Variants in CYP4A22 observed in about 807,000 individuals in gnomAD.
CYP4A22 encodes cytochrome P450 4A22.
A neutral mutation model predicts 56.2 loss-of-function variants in CYP4A22; 46 were observed. The observed-to-expected ratio is 0.82, with a 90% CI of 0.65 to 1.05. CYP4A22 has a LOEUF of 1.05. Ranked by LOEUF, CYP4A22 falls within the 50% of genes least tolerant of loss-of-function variation. CYP4A22 has a pLI of 0.00. For synonymous variants in CYP4A22, 193 were observed against 251.1 expected (o/e 0.77, Z 2.19); for missense variants, 541 against 645.9 (o/e 0.84, Z 1.76).
chr1:47,142,007 C>T, intron 3 of CYP4A22, 101 bp from the exon 4 acceptor site: 2 of 1,503,722 alleles, frequency 1.3e-6, no homozygotes. Context: ...ATAGTTCTTC[C>T]CCCAGGAAGC....
chr1:47,145,012 G>A (rs752641459), intron 9 of CYP4A22, 42 bp downstream of exon 9: 2 of 1,608,888 alleles, frequency 1.2e-6, no homozygotes, highest in Non-Finnish European at 8.5e-7. Context: ...TCTCCACGGG[G>A]ACGTGTGGAG....
chr1:47,143,126 G>A, intron 4 of CYP4A22, 143 bp from the exon 5 acceptor site: 1 of 1,480,566 alleles, frequency 6.8e-7, no homozygotes, highest in Non-Finnish European at 9.0e-7. Flanking sequence ...CAATGCATCT[G>A]CTCTGTAAAG....
chr1:47,141,646 T>C lies in CYP4A22; in HGVS notation c.382+31T>C, dbSNP rs200375533. The C allele has an allele frequency of 1.9e-3, 3,009 of 1,607,824 alleles. 1 individual carries two copies. The highest frequency in any genetic ancestry group is 2.1e-3 in the Non-Finnish European group (2,517 of 1,175,884). On this transcript the variant is annotated intron_variant, in intron 3 of 11. Transcript: ENST00000371891. Reference sequence around the variant, plus strand: ...TGTGCAAACTAGGACTGCAGCCCACTCCCTAGTTAGGTTTGAGTTATTTAT... The same window carrying C: ...TGTGCAAACTAGGACTGCAGCCCACCCCCTAGTTAGGTTTGAGTTATTTAT...
Position 47,148,480 on chromosome 1 carries a change from G to A in CYP4A22, c.1365-122G>A, listed in dbSNP as rs1373089623. ...GTCCGTGGGCTGTAAGTGTGCAGGG[G>A]CTGGACACATGAGGTTGGGCACTGA... On this transcript the variant is annotated intron_variant, in intron 11 of 11. Coordinates refer to ENST00000371891, the MANE Select transcript of CYP4A22 (RefSeq NM_001010969.4). 6 of 1,350,142 alleles carry A rather than the reference G, an allele frequency of 4.4e-6. 1 individual carries two copies. The African/African-American group carries it at 7.3e-5, about 16-fold the overall frequency. 83.6% of individuals were successfully genotyped at this position (1,350,142 alleles called of 1,614,324 possible).
chr1:47,137,885 C>G (rs929977325), intron 1 of CYP4A22, among the ~76,000 whole-genome samples: 2 of 152,216 alleles, frequency 1.3e-5, no homozygotes, highest in Admixed American at 1.3e-4. Flanking sequence ...GTCCTCAGCT[C>G]TATCACACAT....
chr1:47,140,720 A>C, intron 1 of CYP4A22, 60 bp from the exon 2 acceptor site: 1 of 1,597,960 alleles, frequency 6.3e-7, no homozygotes, highest in Non-Finnish European at 8.5e-7. Context: ...CCTGCCCTTC[A>C]CTCCTGCTGC....
intron 6 of CYP4A22, among the ~76,000 whole-genome samples, 158 bp from the exon 7 acceptor site, chr1:47,144,199 C>T (rs565013897): frequency 6.6e-6 from 1 of 152,300 alleles, no homozygotes; most frequent in African/African-American, 2.4e-5. Context: ...GGGTGCCCTG[C>T]CTCACACAGT....
At chr1:47,141,755 A>AT in intron 3 of CYP4A22, 140 bp downstream of exon 3, 5 of 1,179,992 alleles carry the variant, frequency 4.2e-6, no homozygotes, top group Non-Finnish European at 5.9e-6. Context: ...TCTTCTAACA[A>AT]GACCCTCACC....
chr1:47,148,393 A>G, intron 11 of CYP4A22, among the ~76,000 whole-genome samples: 1 of 152,202 alleles, frequency 6.6e-6, no homozygotes, highest in East Asian at 1.9e-4. Context: ...GTTAGGAGTT[A>G]GCCCAGGAAG....
rs767845138 is a variant in CYP4A22, at chr1:47,137,589, C to T, written c.104C>T (p.Ala35Val). ...LILLLLLIKA[A>V]QLYLHRQWLL... ...CTGCTTCTGCTGCTGATCAAGGCAG[C>T]TCAGCTCTACCTGCATAGGCAGTGG... The change falls in exon 1 of 12, where the codon GCT becomes GTT. Residue 35 changes from alanine to valine, a missense_variant. Ala to Val is a moderately conservative substitution (Grantham distance 64). Transcript: ENST00000371891. 1.6e-5 allele frequency: 26 copies of T among 1,614,098 alleles called. No individual in the cohort carries two copies. In the East Asian group the frequency reaches 3.8e-4, roughly 24 times the overall value.
At position 47,144,442 on chromosome 1, in the gene CYP4A22, G is replaced by A; in HGVS notation, c.876G>A (p.Leu292=). 1 of 1,613,974 alleles carries A rather than the reference G, an allele frequency of 6.2e-7. No individual in the cohort carries two copies. Among genetic ancestry groups the A allele is most frequent in the South Asian group, 1.1e-5 (1 of 91,060 alleles). ...AGAGGAAGAGGCACTTGGATTTTCTGGACATCCTCCTCTTGGCCAAAGTGA... is the reference window on the plus strand; with the variant it reads ...AGAGGAAGAGGCACTTGGATTTTCTAGACATCCTCCTCTTGGCCAAAGTGA... ...KIKRKRHLDF[L]DILLLAKMEN... is the part of the protein sequence containing the mutation. Residue 292 remains leucine, a synonymous_variant, in exon 7 of 12, where the codon CTG becomes CTA. Transcript: ENST00000371891.
chr1:47,137,707 G>C (rs772163810), intron 1 of CYP4A22, 27 bp downstream of exon 1: 1 of 1,580,684 alleles, frequency 6.3e-7, no homozygotes, highest in African/African-American at 1.3e-5. Flanking sequence ...TGGGGGAGTG[G>C]GAGGGCAAGG....
chr1:47,148,220 T>C (rs1557650893), intron 11 of CYP4A22, among the ~76,000 whole-genome samples: 2 of 152,222 alleles, frequency 1.3e-5, no homozygotes, highest in Admixed American at 6.5e-5. Context: ...CTACAGGACC[T>C]GAACTGACCT....
At chr1:47,137,963 T>C (rs999114123) in intron 1 of CYP4A22, among the ~76,000 whole-genome samples, 2 of 152,176 alleles carry the variant, frequency 1.3e-5, no homozygotes, top group Non-Finnish European at 2.9e-5. Context: ...CCTGATTGTC[T>C]CCAGACTGAT....
intron 11 of CYP4A22, chr1:47,147,173 C>T (rs1000056342): frequency 8.1e-6 from 8 of 985,316 alleles, no homozygotes; most frequent in African/African-American, 1.7e-5. Flanking sequence ...TTACATGGAA[C>T]AGGAAAGCTT....
At chr1:47,138,737 C>T (rs1242613181) in intron 1 of CYP4A22, among the ~76,000 whole-genome samples, 2 of 152,226 alleles carry the variant, frequency 1.3e-5, no homozygotes, top group Non-Finnish European at 2.9e-5. Context: ...AGATTGGACA[C>T]ACCAGGTGTA....
In CYP4A22 at chr1:47,142,153, G is replaced by A. The variant is rs138940178; in HGVS notation, c.428G>A (p.Arg143Gln). The A allele has an allele frequency of 1.4e-4, 218 of 1,613,742 alleles. No homozygotes were observed. The African/African-American group carries it at 1.4e-3, about 11-fold the overall frequency. Residue 143 changes from arginine to glutamine, a missense_variant, in exon 4 of 12, where the codon CGA (arginine) becomes CAA (glutamine). Arg to Gln is a conservative substitution (Grantham distance 43, BLOSUM62 1). This residue lies in a region of CYP4A22 where 335 missense variants were observed against 361.2 expected (regional missense o/e 0.93). Transcript: ENST00000371891. ...AATGGGCAGACATGGTTCCAGCATC[G>A]ACGGATGCTGACCCCAGCCTTCCAC... ...LLNGQTWFQH[R>Q]RMLTPAFHND...
At position 47,144,857 on chromosome 1, in the gene CYP4A22, C is replaced by T. The variant is rs1288867081; in HGVS notation, c.1109C>T (p.Pro370Leu). The change falls in exon 9 of 12, where the codon CCC becomes CTC. Residue 370 changes from proline (P) to leucine (L), a missense_variant. By Grantham distance (98) the Pro-to-Leu change is moderately conservative. Coordinates refer to ENST00000371891, the MANE Select transcript of CYP4A22 (RefSeq NM_001010969.4). ...SITWNHLDQMPYTTMCIKEAL... is the reference protein window; with the variant it reads ...SITWNHLDQMLYTTMCIKEAL... Reference sequence around the variant, plus strand: ...TTCAGGAACCACCTGGACCAGATGCCCTACACCACCATGTGCATTAAGGAG... The same window carrying T: ...TTCAGGAACCACCTGGACCAGATGCTCTACACCACCATGTGCATTAAGGAG... 8 of 1,613,954 alleles carry T rather than the reference C, an allele frequency of 5.0e-6. No individual in the cohort carries two copies. The highest frequency in any genetic ancestry group is 2.2e-5 in the East Asian group (1 of 44,830).
rs1487705303 is a variant in CYP4A22, at chr1:47,143,271, C to T, written c.513C>T (p.Asp171=). The T allele has an allele frequency of 2.5e-6, 4 of 1,610,844 alleles. No homozygotes were observed. Among genetic ancestry groups the T allele is most frequent in the Non-Finnish European group, 3.4e-6 (4 of 1,178,474 alleles). The change falls in exon 5 of 12, where the codon GAC becomes GAT. Residue 171 remains aspartate, a splice_region_variant and synonymous_variant. Transcript: ENST00000371891. ...LMADSVRVML[D]KWEELLGQDS... Reference sequence around the variant, plus strand: ...GTCCATGCCCCCTCCCACCACAGGACAAATGGGAAGAGCTCCTTGGCCAGG... The same window carrying T: ...GTCCATGCCCCCTCCCACCACAGGATAAATGGGAAGAGCTCCTTGGCCAGG...
Sources: gnomAD v4.1 joint callset for allele counts (sites outside exome capture counted in the v4.1 genomes callset) on GRCh38, gnomAD v4.1.1 for gene constraint, gnomAD v4.1.1 regional missense constraint, MANE v1.5 for transcripts, NCBI Gene and HGNC (gene_info 2026-07-23, HGNC 2026-07-21) for gene names.